Variants in SEMA5A observed in about 807,000 individuals in gnomAD.
The protein encoded by SEMA5A is semaphorin 5A, also known as semaphorin-5A.
Under a neutral mutation model 135.5 loss-of-function variants are expected in SEMA5A, and 55 were observed. The observed-to-expected ratio is 0.41, with a 90% CI of 0.33 to 0.51. The LOEUF is 0.51. Ranked by LOEUF, SEMA5A falls within the 20% of genes least tolerant of loss-of-function variation. SEMA5A has a pLI of 0.37. For synonymous variants in SEMA5A, 580 were observed against 546.5 expected (o/e 1.06, Z -0.85); for missense variants, 1,290 against 1,419.9 (o/e 0.91, Z 1.47).
chr5:9,238,572 A>G (rs1439369070), intron 5 of SEMA5A, among the ~76,000 whole-genome samples: 1 of 152,168 alleles, frequency 6.6e-6, no homozygotes, highest in African/African-American at 2.4e-5. Context: ...GTCTGATGCT[A>G]ACTCACAAAT....
intron 11 of SEMA5A, among the ~76,000 whole-genome samples, chr5:9,187,715 A>G (rs1744883948): frequency 6.6e-6 from 1 of 152,254 alleles, no homozygotes; most frequent in South Asian, 2.1e-4. Flanking sequence ...AGATCAAAAG[A>G]AAAGCCAAAA....
At chr5:9,297,189 TACAC>T in intron 5 of SEMA5A, among the ~76,000 whole-genome samples, 1 of 148,538 alleles carries the variant, frequency 6.7e-6, no homozygotes, top group Non-Finnish European at 1.5e-5. Flanking sequence ...CATATGTATA[TACAC>T]ATACATATGT....
chr5:9,043,508 T>C (rs866961783), intron 22 of SEMA5A, among the ~76,000 whole-genome samples: 12 of 152,232 alleles, frequency 7.9e-5, no homozygotes, highest in African/African-American at 2.9e-4. Flanking sequence ...CTTTTCATCC[T>C]GAACTTATTA....
rs370204201 is a variant in SEMA5A, at chr5:9,089,677, C to T, written c.2073+18463G>A. Among the ~76,000 whole-genome samples, 13 of 152,256 alleles carry T rather than the reference C, an allele frequency of 8.5e-5. No homozygotes were observed. In the East Asian group the frequency reaches 1.5e-3, roughly 18 times the overall value. ...ATCTCCAGTACAATATGGTATTGAA[C>T]GCTAGCAGCCCTGGCAGGAATCCTA... is the stretch of plus-strand genomic sequence containing the variant. On this transcript the variant is annotated intron_variant, in intron 16 of 22. Transcript: ENST00000382496.
rs1735880680 is a variant in SEMA5A at position 9,040,119 on chromosome 5, T to A, written c.*2778A>T. On this transcript the variant is annotated 3_prime_UTR_variant, in exon 23 of 23. Coordinates refer to ENST00000382496, the MANE Select transcript of SEMA5A (RefSeq NM_003966.3). ...GAAAGGTGTAGCTTAAAACTATGTG[T>A]TGGTTTTTGTTCCACTTGTACCAAG... The A allele has an allele frequency of 2.6e-5, 4 of 152,182 alleles. No individual in the cohort carries two copies. The highest frequency in any genetic ancestry group is 2.6e-4 in the Admixed American group (4 of 15,278). The allele number at this position is 152,182 out of a possible 1,614,324, so 9.4% of individuals were successfully genotyped here.
At chr5:9,464,703 G>C (rs191772824) in intron 1 of SEMA5A, among the ~76,000 whole-genome samples, 1 of 151,848 alleles carries the variant, frequency 6.6e-6, no homozygotes, top group South Asian at 2.1e-4. Context: ...TGGCATGGAA[G>C]CTTGTAGACC....
chr5:9,279,081 C>G (rs1320235612), intron 5 of SEMA5A, among the ~76,000 whole-genome samples: 1 of 152,194 alleles, frequency 6.6e-6, no homozygotes, highest in Non-Finnish European at 1.5e-5. Context: ...CTGGAAAACC[C>G]ACAGGAACTC....
chr5:9,534,754 G>A (rs559615569), intron 1 of SEMA5A, among the ~76,000 whole-genome samples: 2 of 152,290 alleles, frequency 1.3e-5, no homozygotes, highest in South Asian at 2.1e-4. Context: ...TGGGGCGGGG[G>A]TTGTTTAGAA....
chr5:9,306,631 T>A (rs561808606), intron 5 of SEMA5A, among the ~76,000 whole-genome samples: 9 of 152,284 alleles, frequency 5.9e-5, no homozygotes, highest in African/African-American at 2.2e-4. Flanking sequence ...CTGTATCATC[T>A]GTCACTTTCA....
At chr5:9,508,501 T>C (rs1561308071) in intron 1 of SEMA5A, among the ~76,000 whole-genome samples, 1 of 152,202 alleles carries the variant, frequency 6.6e-6, no homozygotes, top group Non-Finnish European at 1.5e-5. Flanking sequence ...CCAGTGACTG[T>C]GGAATGGACA....
At chr5:9,177,454 G>A (rs1744267058) in intron 11 of SEMA5A, among the ~76,000 whole-genome samples, 1 of 152,222 alleles carries the variant, frequency 6.6e-6, no homozygotes, top group Non-Finnish European at 1.5e-5. Context: ...TTGTGTTCCT[G>A]ACATAGCCTC....
At chr5:9,130,089 A>G (rs1741324361) in intron 13 of SEMA5A, among the ~76,000 whole-genome samples, 1 of 152,192 alleles carries the variant, frequency 6.6e-6, no homozygotes, top group African/African-American at 2.4e-5. Context: ...AGTGCTAGCT[A>G]AGGAAGATTC....
intron 8 of SEMA5A, among the ~76,000 whole-genome samples, chr5:9,203,630 A>G (rs1217679702): frequency 6.6e-6 from 1 of 152,200 alleles, no homozygotes; most frequent in Non-Finnish European, 1.5e-5. Context: ...AAAATGTTTT[A>G]ATTTAATCCA....
chr5:9,498,187 T>C (rs764245768), intron 1 of SEMA5A, among the ~76,000 whole-genome samples: 10 of 152,190 alleles, frequency 6.6e-5, no homozygotes, highest in Non-Finnish European at 1.5e-4. Context: ...GAAAACTAAC[T>C]GATGCAGAGC....
chr5:9,353,236 GAAGGAAAGGGAAGGGAAGGGAAGGGAAGC>G lies in SEMA5A; in HGVS notation c.125-15453_125-15425del, dbSNP rs1754261721. ...GAAAGGAAAGGAAAGGAAAGGAAAG[GAAGGAAAGGGAAGGGAAGGGAAGGGAAGC>G]AAAGGAAAGGAAAGGAAAGGAGGGA... On this transcript the variant is annotated intron_variant, in intron 3 of 22. Transcript: ENST00000382496. 4.4e-4 allele frequency among the ~76,000 whole-genome samples: 54 copies of G among 122,804 alleles called. 1 individual carries two copies. The highest frequency in any genetic ancestry group is 7.6e-4 in the African/African-American group (22 of 28,854). 80.6% of individuals were successfully genotyped at this position (122,804 alleles called of 152,430 possible).
intron 1 of SEMA5A, among the ~76,000 whole-genome samples, chr5:9,496,233 T>C (rs1010072456): frequency 2.0e-5 from 3 of 152,068 alleles, no homozygotes; most frequent in African/African-American, 7.2e-5. Context: ...TTAGTAGAGA[T>C]GGGGTTTCAC....
At chr5:9,076,699 T>C (rs185875621) in intron 16 of SEMA5A, among the ~76,000 whole-genome samples, 1 of 152,338 alleles carries the variant, frequency 6.6e-6, no homozygotes. Flanking sequence ...ATTTTTTTCA[T>C]GGCATTTATG....
chr5:9,399,637 G>C (rs754491859), intron 2 of SEMA5A, among the ~76,000 whole-genome samples: 1 of 152,186 alleles, frequency 6.6e-6, no homozygotes, highest in Non-Finnish European at 1.5e-5. Flanking sequence ...ATGTAAAGCT[G>C]TTATTAAAAA....
intron 16 of SEMA5A, among the ~76,000 whole-genome samples, chr5:9,083,974 C>T (rs1054027997): frequency 1.3e-5 from 2 of 152,170 alleles, no homozygotes; most frequent in Non-Finnish European, 2.9e-5. Context: ...TTTTAGTTAC[C>T]TTGAGCAATC....
Sources: gnomAD v4.1 joint callset for allele counts (sites outside exome capture counted in the v4.1 genomes callset) on GRCh38, gnomAD v4.1.1 for gene constraint, MANE v1.5 for transcripts, NCBI Gene and HGNC (gene_info 2026-07-23, HGNC 2026-07-21) for gene names.